The following ZMYND11 variants were observed in gnomAD, a reference collection of about 807,000 sequenced individuals.
ZMYND11 encodes the protein zinc finger MYND domain-containing protein 11.
ZMYND11 carries 9 observed loss-of-function variants against 84.9 expected under a neutral mutation model. The ratio of observed to expected loss-of-function variants is 0.11; its 90% CI spans 0.06 to 0.18. The LOEUF is 0.18. Among genes scored for constraint, ZMYND11 ranks in the 10% least tolerant of loss-of-function variants. ZMYND11 has a pLI of 1.00. For missense variants in ZMYND11, 409 were observed against 761.0 expected (o/e 0.54, Z 5.44); for synonymous variants, 250 against 244.1 (o/e 1.02, Z -0.23).
chr10:148,603 C>T (rs1839485956), intron 1 of ZMYND11: 1 of 152,234 alleles, frequency 6.6e-6, no homozygotes, highest in Non-Finnish European at 1.5e-5. Context: ...CTGATAATTT[C>T]CACAGGTTTA....
chr10:147,702 A>G (rs1839233797), intron 1 of ZMYND11: 1 of 150,916 alleles, frequency 6.6e-6, no homozygotes, highest in Admixed American at 6.7e-5. Context: ...GGATTCCTCA[A>G]ACACGCTACT....
intron 2 of ZMYND11, among the ~76,000 whole-genome samples, chr10:181,693 A>T (rs187127216): frequency 6.6e-6 from 1 of 152,138 alleles, no homozygotes; most frequent in Non-Finnish European, 1.5e-5. Flanking sequence ...GTGAGGATAT[A>T]TGTGGCTCCA....
intron 4 of ZMYND11, among the ~76,000 whole-genome samples, chr10:226,165 C>A (rs1402102331): frequency 1.3e-5 from 2 of 152,128 alleles, no homozygotes; most frequent in African/African-American, 4.8e-5. Flanking sequence ...CCCATTACGC[C>A]AGAGTTACGA....
At position 252,326 on chromosome 10, in the gene ZMYND11, T is replaced by C. The variant is rs1405961042; in HGVS notation, c.1687-22T>C. ...CACATCCACACCCAAGTCTAAAGAC[T>C]GCCCCGATTTCTTACCTGCAGTGCT... On this transcript the variant is annotated intron_variant, in intron 14 of 14. Transcript: ENST00000381604. The surrounding 1 kb of genome is among the most constrained non-coding windows in gnomAD (Gnocchi z 4.6). 1.2e-6 allele frequency: 2 copies of C among 1,612,924 alleles called. No individual in the cohort carries two copies. Among genetic ancestry groups the C allele is most frequent in the African/African-American group, 1.3e-5 (1 of 74,984 alleles).
intron 1 of ZMYND11, among the ~76,000 whole-genome samples, chr10:146,074 A>T (rs1011242614): frequency 1.3e-5 from 2 of 152,076 alleles, no homozygotes; most frequent in African/African-American, 2.4e-5. Flanking sequence ...GGAGCTAGGG[A>T]TCCAGTTTCA....
intron 4 of ZMYND11, among the ~76,000 whole-genome samples, chr10:226,752 A>G (rs1948209827): frequency 6.6e-6 from 1 of 152,158 alleles, no homozygotes; most frequent in Non-Finnish European, 1.5e-5. Context: ...AATCCCTCCA[A>G]AGAGTTTTGT....
At chr10:222,095 C>G (rs560417144) in intron 4 of ZMYND11, among the ~76,000 whole-genome samples, 20 of 152,120 alleles carry the variant, frequency 1.3e-4, no homozygotes, top group Non-Finnish European at 2.4e-4. Flanking sequence ...TTATTTTATA[C>G]TTAACTATTA....
At position 242,064 on chromosome 10, in the gene ZMYND11, G is replaced by T; in HGVS notation, c.875G>T (p.Gly292Val). ...GTTTGGGCTAAAATGAAAGGTTTTG[G>T]GTTTTGGCCAGCCAAAGTCATGCAG... ...ELVWAKMKGFGFWPAKVMQKE... is the reference protein window; with the variant it reads ...ELVWAKMKGFVFWPAKVMQKE... The change falls in exon 10 of 15, where the codon GGG becomes GTG. Residue 292 changes from glycine (G) to valine (V), a missense_variant. By Grantham distance (109) the Gly-to-Val change is moderately radical. Coordinates refer to ENST00000381604, the MANE Select transcript of ZMYND11 (RefSeq NM_001370100.5). The T allele has an allele frequency of 6.2e-7, 1 of 1,614,006 alleles. No homozygotes were observed. The highest frequency in any genetic ancestry group is 8.5e-7 in the Non-Finnish European group (1 of 1,179,964).
At position 207,959 on chromosome 10, in the gene ZMYND11, A is replaced by G. The variant is rs553206720; in HGVS notation, c.117-1930A>G. 4.9e-3 allele frequency among the ~76,000 whole-genome samples: 753 copies of G among 152,320 alleles called. 22 individuals carry two copies. The highest frequency in any genetic ancestry group is 0.042 in the Admixed American group (647 of 15,294). The stretch of plus-strand genomic sequence containing the variant: ...GGTACCAAAACAGACATATAGATCA[A>G]TGGAACAGAACGGAGCCCTCAGAAA... On this transcript the variant is annotated intron_variant, in intron 2 of 14. Coordinates refer to ENST00000381604, the MANE Select transcript of ZMYND11 (RefSeq NM_001370100.5).
chr10:158,431 T>A (rs997311792), intron 1 of ZMYND11, among the ~76,000 whole-genome samples: 2 of 149,668 alleles, frequency 1.3e-5, no homozygotes, highest in African/African-American at 5.0e-5. Context: ...TTTTTTTTTT[T>A]ATTTTGACAC....
intron 4 of ZMYND11, among the ~76,000 whole-genome samples, chr10:228,405 G>A (rs77010944): frequency 0.01 from 1,534 of 152,314 alleles, 22 homozygotes; most frequent in African/African-American, 0.035. Flanking sequence ...TAGTTGGGGT[G>A]TTTCCTATAT....
At chr10:223,685 T>TC (rs1947561758) in intron 4 of ZMYND11, among the ~76,000 whole-genome samples, 1 of 152,206 alleles carries the variant, frequency 6.6e-6, no homozygotes, top group South Asian at 2.1e-4. Flanking sequence ...TTTTATGGTA[T>TC]TCAAGAAAAA....
intron 1 of ZMYND11, among the ~76,000 whole-genome samples, chr10:136,570 A>G (rs1334907977): frequency 2.0e-5 from 3 of 152,122 alleles, no homozygotes; most frequent in African/African-American, 7.2e-5. Context: ...TATTGTGTGC[A>G]GTAGGTGCCT....
In ZMYND11 at chr10:172,496, A is replaced by G. The variant is rs2131654598; in HGVS notation, c.-19-7498A>G. ...AATGTGAAATTGAAAGCATATTATCATTTACATTAGTACCCCCGAAATGAA... is the reference window on the plus strand; with the variant it reads ...AATGTGAAATTGAAAGCATATTATCGTTTACATTAGTACCCCCGAAATGAA... On this transcript the variant is annotated intron_variant, in intron 1 of 14. Transcript: ENST00000381604. 1.3e-5 allele frequency among the ~76,000 whole-genome samples: 2 copies of G among 152,328 alleles called. 1 individual carries two copies. The highest frequency in any genetic ancestry group is 4.8e-5 in the African/African-American group (2 of 41,578).
At chr10:133,293 AG>A (rs1195687756), upstream of ZMYND11, among the ~76,000 whole-genome samples, 1 of 152,194 alleles carries the variant, frequency 6.6e-6, no homozygotes, top group Admixed American at 6.5e-5. Context: ...ATTTATTAAT[AG>A]TTTTATTTCT....
chr10:239,216 G>A (rs909821155), intron 6 of ZMYND11, among the ~76,000 whole-genome samples: 5 of 152,302 alleles, frequency 3.3e-5, no homozygotes, highest in Non-Finnish European at 7.3e-5. Flanking sequence ...TAGTGTCTTT[G>A]TGGCTGCGGG....
At chr10:248,799 G>T in intron 13 of ZMYND11, 104 bp from the exon 14 acceptor site, 1 of 1,451,664 alleles carries the variant, frequency 6.9e-7, no homozygotes, top group South Asian at 1.4e-5. Context: ...GTAATGAAGG[G>T]GAAAAAAGGT....
At chr10:140,234 T>C (rs1458757673) in intron 1 of ZMYND11, among the ~76,000 whole-genome samples, 1 of 152,158 alleles carries the variant, frequency 6.6e-6, no homozygotes, top group Non-Finnish European at 1.5e-5. Flanking sequence ...GAAATGAAGA[T>C]AATGTGAGGG....
chr10:136,240 G>T (rs558194306), intron 1 of ZMYND11, among the ~76,000 whole-genome samples: 2 of 152,104 alleles, frequency 1.3e-5, no homozygotes, highest in Non-Finnish European at 2.9e-5. Context: ...GCTGGGACGA[G>T]GGGGGGCGCC....
Sources: gnomAD v4.1 joint callset for allele counts (sites outside exome capture counted in the v4.1 genomes callset) on GRCh38, gnomAD v4.1.1 for gene constraint, Gnocchi (gnomAD v3.1) non-coding constraint, MANE v1.5 for transcripts, NCBI Gene and HGNC (gene_info 2026-07-23, HGNC 2026-07-21) for gene names.